BTD: variants seen among roughly 807,000 people sequenced by gnomAD.
BTD encodes biocytinase.
A neutral mutation model predicts 17.7 loss-of-function variants in BTD; 13 were observed. The ratio of observed to expected loss-of-function variants is 0.74; its 90% confidence interval spans 0.48 to 1.17. The LOEUF is 1.17. Ranked by LOEUF, BTD falls within the 50% of genes most tolerant of loss-of-function variation. The pLI, the probability that BTD is intolerant of heterozygous loss-of-function variation, is 0.00. For missense variants in BTD, 674 were observed against 650.4 expected, an observed-to-expected ratio of 1.04 and a Z score of -0.39; for synonymous variants, 240 against 245.2, an observed-to-expected ratio of 0.98 and a Z score of 0.20.
intron 1 of BTD, chr3:15,629,872 G>A (rs1159908764): frequency 9.7e-6 from 2 of 207,198 alleles, no homozygotes; most frequent in East Asian, 1.8e-4. Context: ...CCATGAAGAT[G>A]GAATTTTTAC....
intron 1 of BTD, among the ~76,000 whole-genome samples, chr3:15,613,289 C>T (rs2064689776): frequency 6.6e-6 from 1 of 152,092 alleles, no homozygotes; most frequent in Non-Finnish European, 1.5e-5. Context: ...GTTCACTGTT[C>T]TCCCTGTCTA....
chr3:15,697,056 C>T (rs976912815), intron 3 of BTD, among the ~76,000 whole-genome samples: 6 of 152,092 alleles, frequency 3.9e-5, no homozygotes, highest in South Asian at 2.1e-4. Context: ...TATCTATCAA[C>T]GAACGAGTGC....
At chr3:15,617,613 C>G (rs2064832455) in intron 1 of BTD, among the ~76,000 whole-genome samples, 1 of 152,156 alleles carries the variant, frequency 6.6e-6, no homozygotes, top group African/African-American at 2.4e-5. Flanking sequence ...CACTTGTAGT[C>G]CCAGCTGCTC....
At position 15,645,186 on chromosome 3, in the gene BTD, G is replaced by C. The variant is rs13078881; in HGVS notation, c.1270G>C (p.Asp424His). Reference sequence around the variant, plus strand: ...AGAGCTGTATGCCCTGGGGGTCTTTGATGGGCTTCACACAGTACATGGCAC... The same window carrying C: ...AGAGCTGTATGCCCTGGGGGTCTTTCATGGGCTTCACACAGTACATGGCAC... ...SKELYALGVFDGLHTVHGTYY... is the reference protein window; with the variant it reads ...SKELYALGVFHGLHTVHGTYY... Residue 424 changes from aspartate to histidine, a missense_variant, in exon 4 of 4, where the codon GAT (aspartate) becomes CAT (histidine). Asp to His is a moderately conservative substitution (Grantham distance 81). Transcript: ENST00000643237. 61,497 of 1,614,178 alleles carry C rather than the reference G, an allele frequency of 0.038. 1,308 individuals carry two copies. Among genetic ancestry groups the C allele is most frequent in the Non-Finnish European group, 0.042 (49,419 of 1,180,024 alleles).
chr3:15,684,715 TA>T (rs1334231457), intron 3 of BTD: 700 of 129,900 alleles, frequency 5.4e-3, no homozygotes, highest in Admixed American at 7.9e-3. Flanking sequence ...GTGGGACTCT[TA>T]AAAAAAAAAA....
intron 3 of BTD, among the ~76,000 whole-genome samples, chr3:15,658,725 C>T (rs1371061803): frequency 6.6e-6 from 1 of 152,316 alleles, no homozygotes; most frequent in Non-Finnish European, 1.5e-5. Context: ...TCTGGGAAAA[C>T]GAACTGCTCT....
chr3:15,677,959 A>C (rs757494614), intron 3 of BTD, among the ~76,000 whole-genome samples: 2 of 152,188 alleles, frequency 1.3e-5, no homozygotes, highest in Non-Finnish European at 2.9e-5. Context: ...ACTCACATTC[A>C]GGCAATCCAA....
chr3:15,641,045 G>T (rs2065488186), intron 2 of BTD, among the ~76,000 whole-genome samples: 1 of 152,290 alleles, frequency 6.6e-6, no homozygotes, highest in South Asian at 2.1e-4. Context: ...TTTAAACCCT[G>T]TAAGTGGAGA....
chr3:15,641,312 C>G (rs1260785674), intron 2 of BTD, among the ~76,000 whole-genome samples: 2 of 152,146 alleles, frequency 1.3e-5, no homozygotes, highest in East Asian at 1.9e-4. Context: ...ACCCACTGGC[C>G]CAGTGGATCC....
At chr3:15,695,901 G>A (rs1165052102) in intron 3 of BTD, among the ~76,000 whole-genome samples, 1 of 152,030 alleles carries the variant, frequency 6.6e-6, no homozygotes, top group Non-Finnish European at 1.5e-5. Context: ...GTGTAGACAT[G>A]AACATGGGGT....
intron 1 of BTD, among the ~76,000 whole-genome samples, chr3:15,625,563 T>C (rs2065045884): frequency 6.6e-6 from 1 of 152,198 alleles, no homozygotes; most frequent in South Asian, 2.1e-4. Flanking sequence ...TTTTGTTTTT[T>C]CTGTTTGTTT....
At chr3:15,708,893 C>T (rs1010606097) in intron 3 of BTD, among the ~76,000 whole-genome samples, 1 of 152,176 alleles carries the variant, frequency 6.6e-6, no homozygotes, top group African/African-American at 2.4e-5. Flanking sequence ...GACATACACC[C>T]TTCCTTCTCA....
intron 1 of BTD, among the ~76,000 whole-genome samples, chr3:15,602,601 G>T (rs2064301217): frequency 6.6e-6 from 1 of 152,108 alleles, no homozygotes; most frequent in Non-Finnish European, 1.5e-5. Flanking sequence ...TGAGGATTTG[G>T]AGTCATTTTA....
At chr3:15,658,973 T>C (rs888315687) in intron 3 of BTD, among the ~76,000 whole-genome samples, 5 of 152,188 alleles carry the variant, frequency 3.3e-5, no homozygotes, top group Admixed American at 1.3e-4. Context: ...ACAGCCCTGC[T>C]GCCTCCCACT....
At chr3:15,601,581 G>C, upstream of BTD, 1 of 1,592,804 alleles carries the variant, frequency 6.3e-7, no homozygotes, top group Non-Finnish European at 8.5e-7. Flanking sequence ...ACGGACAGGA[G>C]GGCAACCAAC....
chr3:15,650,895 G>A lies in BTD; in HGVS notation c.*5407G>A, dbSNP rs556694796. 2.0e-5 allele frequency among the ~76,000 whole-genome samples: 3 copies of A among 152,192 alleles called. No homozygotes were observed. Among genetic ancestry groups the A allele is most frequent in the African/African-American group, 4.8e-5 (2 of 41,542 alleles). On this transcript the variant is annotated 3_prime_UTR_variant, in exon 4 of 4. Coordinates refer to ENST00000643237, the MANE Select transcript of BTD (RefSeq NM_001370658.1). Reference sequence around the variant, plus strand: ...AGCGATTCTCCTGCCTCAGCCTTCCGAGTAGCTGGGACTACAGGCACGTGC... The same window carrying A: ...AGCGATTCTCCTGCCTCAGCCTTCCAAGTAGCTGGGACTACAGGCACGTGC...
chr3:15,620,527 C>G (rs991668769), intron 1 of BTD, among the ~76,000 whole-genome samples: 2 of 152,104 alleles, frequency 1.3e-5, no homozygotes, highest in African/African-American at 2.4e-5. Context: ...TTATTCTGTT[C>G]TTTTTCAAGG....
intron 3 of BTD, among the ~76,000 whole-genome samples, chr3:15,672,554 A>C (rs987072166): frequency 5.9e-5 from 9 of 152,126 alleles, no homozygotes; most frequent in African/African-American, 1.9e-4. Context: ...CCGTATTTTT[A>C]ATTAAATTTT....
At position 15,645,649 on chromosome 3, in the gene BTD, C is replaced by T. The variant is rs2065677513; in HGVS notation, c.*161C>T. ...GGAACTGTGGAAAAAGTAGGAGAGG[C>T]AGATTCCCTCAGTGTCTTCCTCTTA... On this transcript the variant is annotated 3_prime_UTR_variant, in exon 4 of 4. Transcript: ENST00000643237. The T allele has an allele frequency of 1.4e-6, 1 of 699,356 alleles. No individual in the cohort carries two copies. The highest frequency in any genetic ancestry group is 2.9e-5 in the Admixed American group (1 of 34,798). 43.3% of individuals were successfully genotyped at this position (699,356 alleles called of 1,614,324 possible). A position where few individuals can be genotyped will look rare whatever the true frequency, so the allele number is the denominator to read the frequency against.
Sources: gnomAD v4.1 joint callset for allele counts (sites outside exome capture counted in the v4.1 genomes callset) on GRCh38, gnomAD v4.1.1 for gene constraint, MANE v1.5 for transcripts, NCBI Gene and HGNC (gene_info 2026-07-23, HGNC 2026-07-21) for gene names.